Variants in WDR25 observed in about 807,000 individuals in gnomAD.
WDR25 encodes the protein WD repeat-containing protein 25.
Under a neutral mutation model 47.7 loss-of-function variants are expected in WDR25, and 35 were observed. The ratio of observed to expected loss-of-function variants is 0.73; its 90% CI spans 0.56 to 0.97. WDR25 has a LOEUF of 0.97. Among genes scored for constraint, WDR25 ranks in the 50% least tolerant of loss-of-function variants. The pLI is 0.00. For synonymous variants in WDR25, 248 were observed against 278.9 expected (o/e 0.89, Z 1.10); for missense variants, 634 against 704.7 (o/e 0.90, Z 1.14).
At chr14:100,431,338 G>C (rs1207314870) in intron 2 of WDR25, among the ~76,000 whole-genome samples, 2 of 151,922 alleles carry the variant, frequency 1.3e-5, no homozygotes, top group African/African-American at 4.8e-5. Context: ...GAAAGAAATT[G>C]GTTTTTCGTT....
intron 2 of WDR25, among the ~76,000 whole-genome samples, chr14:100,413,036 G>A (rs902751517): frequency 6.6e-6 from 1 of 152,064 alleles, no homozygotes; most frequent in Non-Finnish European, 1.5e-5. Flanking sequence ...CACCATTTTG[G>A]CCAGGCTGGT....
rs1371633403 is a variant in WDR25, at chr14:100,378,776, G to T, written c.-15-2134G>T. Among the ~76,000 whole-genome samples the T allele has an allele frequency of 1.2e-4, 4 of 32,664 alleles. 1 individual carries two copies. The highest frequency in any genetic ancestry group is 2.6e-4 in the African/African-American group (4 of 15,146). The allele number at this position is 32,664 out of a possible 152,430, so 21.4% of individuals were successfully genotyped here. A position where few individuals can be genotyped will look rare whatever the true frequency, so the allele number is the denominator to read the frequency against. Reference sequence around the variant, plus strand: ...GATCGAGACCATCCCGGCTAAAACGGTGAAACCCCGTCTCTACTAAAAATA... The same window carrying T: ...GATCGAGACCATCCCGGCTAAAACGTTGAAACCCCGTCTCTACTAAAAATA... On this transcript the variant is annotated intron_variant, in intron 1 of 6. Transcript: ENST00000402312.
rs1898941695 is a variant in WDR25 at position 100,449,193 on chromosome 14, T to G, written c.823-18828T>G. ...CCTTTACTGGGCTTCTGGATGGAAT[T>G]TTTGGAGCAAAGGGTTAGTACTCAT... On this transcript the variant is annotated intron_variant, in intron 2 of 6. Transcript: ENST00000402312. This position sits in a 1 kb window ranked among gnomAD's most constrained non-coding sequence, Gnocchi z 4.2. Among the ~76,000 whole-genome samples, 1 of 152,210 alleles carries G rather than the reference T, an allele frequency of 6.6e-6. No individual in the cohort carries two copies. The highest frequency in any genetic ancestry group is 6.5e-5 in the Admixed American group (1 of 15,288).
At chr14:100,486,009 G>A (rs112494494) in intron 4 of WDR25, among the ~76,000 whole-genome samples, 1,960 of 151,694 alleles carry the variant, frequency 0.013, 57 homozygotes, top group African/African-American at 0.044. Context: ...TTTGGAAAAG[G>A]GAGGAAATTA....
At chr14:100,517,743 C>G (rs1261804463) in intron 4 of WDR25, among the ~76,000 whole-genome samples, 2 of 152,176 alleles carry the variant, frequency 1.3e-5, no homozygotes, top group Non-Finnish European at 2.9e-5. Flanking sequence ...GCTCCTGGGG[C>G]TGAGGCAGGA....
At chr14:100,505,862 A>G (rs1157925656) in intron 4 of WDR25, among the ~76,000 whole-genome samples, 1 of 152,096 alleles carries the variant, frequency 6.6e-6, no homozygotes, top group Non-Finnish European at 1.5e-5. Flanking sequence ...TTCATTTTCC[A>G]GTTGTTTGGT....
At chr14:100,413,559 G>A (rs12886456) in intron 2 of WDR25, among the ~76,000 whole-genome samples, 24,740 of 151,784 alleles carry the variant, frequency 0.16, 2,128 homozygotes, top group African/African-American at 0.17. Context: ...GACTACAGGC[G>A]CCCACCACCA....
chr14:100,429,659 A>G lies in WDR25; in HGVS notation c.823-38362A>G, dbSNP rs114419580. Among the ~76,000 whole-genome samples, 400 of 152,272 alleles carry G rather than the reference A, an allele frequency of 2.6e-3. 1 individual carries two copies. Among genetic ancestry groups the G allele is most frequent in the African/African-American group, 8.8e-3 (367 of 41,552 alleles). On this transcript the variant is annotated intron_variant, in intron 2 of 6. Transcript: ENST00000402312. ...GTGGCCCACACAATAGATAGTTTAT[A>G]TTCTCCCAGTTCTGTAGACTGGAAG...
chr14:100,486,728 C>A (rs1211217746), intron 4 of WDR25, among the ~76,000 whole-genome samples: 1 of 152,208 alleles, frequency 6.6e-6, no homozygotes, highest in Admixed American at 6.5e-5. Flanking sequence ...ATGTGAACAT[C>A]CAGAAGTGAG....
chr14:100,423,291 T>G (rs1398301073), intron 2 of WDR25, among the ~76,000 whole-genome samples: 1 of 152,188 alleles, frequency 6.6e-6, no homozygotes, highest in East Asian at 1.9e-4. Flanking sequence ...AGCGTGTGCA[T>G]GAAGCTTCTG....
chr14:100,505,280 CAGTT>C (rs1330352000), intron 4 of WDR25, among the ~76,000 whole-genome samples: 2 of 152,152 alleles, frequency 1.3e-5, no homozygotes, highest in Admixed American at 6.5e-5. Flanking sequence ...GTAAGGTCAA[CAGTT>C]ATTTATTTCT....
intron 2 of WDR25, among the ~76,000 whole-genome samples, chr14:100,405,631 G>A (rs1897513099): frequency 6.6e-6 from 1 of 152,228 alleles, no homozygotes; most frequent in African/African-American, 2.4e-5. Context: ...CTGCTTGGAG[G>A]CCAGCACTAA....
At chr14:100,448,055 C>T (rs983571852) in intron 2 of WDR25, among the ~76,000 whole-genome samples, 7 of 152,006 alleles carry the variant, frequency 4.6e-5, no homozygotes, top group Admixed American at 1.3e-4. Flanking sequence ...ATTAGCCAGG[C>T]GTGGTGGCAT....
chr14:100,479,978 G>A (rs1424990888), intron 3 of WDR25, among the ~76,000 whole-genome samples: 2 of 152,136 alleles, frequency 1.3e-5, no homozygotes, highest in African/African-American at 2.4e-5. Flanking sequence ...CACCCCCATC[G>A]CAACCCCTGG....
chr14:100,399,291 A>G (rs1008825698), intron 2 of WDR25, among the ~76,000 whole-genome samples: 1 of 152,200 alleles, frequency 6.6e-6, no homozygotes, highest in Non-Finnish European at 1.5e-5. Context: ...AAACTAGAGC[A>G]TGCTTTGCAT....
At chr14:100,376,954 T>C (rs1896704268) in intron 1 of WDR25, 1 of 216,444 alleles carries the variant, frequency 4.6e-6, no homozygotes, top group Non-Finnish European at 8.4e-6. Context: ...AGTCCTGTCC[T>C]CATGGGGCTG....
In WDR25 at chr14:100,506,162, G is replaced by T. The variant is rs1181095322; in HGVS notation, c.1102-19708G>T. Among the ~76,000 whole-genome samples the T allele has an allele frequency of 4.6e-5, 7 of 152,134 alleles. No homozygotes were observed. Among genetic ancestry groups the T allele is most frequent in the African/African-American group, 1.4e-4 (6 of 41,432 alleles). On this transcript the variant is annotated intron_variant, in intron 4 of 6. Coordinates refer to ENST00000402312, the MANE Select transcript of WDR25 (RefSeq NM_001161476.3). This position sits in a 1 kb window ranked among gnomAD's most constrained non-coding sequence, Gnocchi z 4.8. ...TTCCACTTATAAGTGAAAACATGGA[G>T]TATTTTTGTTTTCTGTTCCTGCATT...
intron 2 of WDR25, among the ~76,000 whole-genome samples, chr14:100,467,607 C>T (rs957594894): frequency 7.9e-5 from 12 of 152,186 alleles, no homozygotes; most frequent in African/African-American, 2.9e-4. Context: ...AATTCTCCTG[C>T]CTCAGCCTCC....
At chr14:100,470,261 G>A (rs1899783496) in intron 3 of WDR25, among the ~76,000 whole-genome samples, 1 of 152,160 alleles carries the variant, frequency 6.6e-6, no homozygotes, top group Non-Finnish European at 1.5e-5. Flanking sequence ...TGTAATATGG[G>A]GTGCAGGGGC....
Sources: allele counts gnomAD v4.1 joint callset (sites outside exome capture counted in the v4.1 genomes callset), GRCh38; gene constraint gnomAD v4.1.1; non-coding constraint Gnocchi (gnomAD v3.1); transcripts MANE v1.5; gene names NCBI Gene and HGNC (gene_info 2026-07-23, HGNC 2026-07-21).